The following BMPER variants were observed in gnomAD, a reference collection of about 807,000 sequenced individuals.
BMPER encodes the protein BMP binding endothelial regulator.
BMPER carries 45 observed loss-of-function variants against 87.3 expected under a neutral mutation model. That is an observed-to-expected ratio of 0.52 (90% CI 0.41 to 0.66). BMPER has a LOEUF of 0.66. BMPER is among the 30% of genes least tolerant of loss of function. BMPER has a pLI of 0.00. For synonymous variants in BMPER, 326 were observed against 316.2 expected (o/e 1.03, Z -0.33); for missense variants, 784 against 867.5 (o/e 0.90, Z 1.21).
At chr7:33,909,411 G>GT (rs1554296262) in intron 2 of BMPER, among the ~76,000 whole-genome samples, 2 of 152,064 alleles carry the variant, frequency 1.3e-5, no homozygotes, top group African/African-American at 4.8e-5. Context: ...GGGTTATTTT[G>GT]TTTTTTCTTT....
intron 6 of BMPER, among the ~76,000 whole-genome samples, chr7:34,019,454 T>C (rs1787122270): frequency 6.6e-6 from 1 of 152,048 alleles, no homozygotes. Context: ...TTCCCTCCTC[T>C]GATCCGCATC....
At chr7:34,137,135 A>G (rs533863036) in intron 13 of BMPER, among the ~76,000 whole-genome samples, 1 of 152,346 alleles carries the variant, frequency 6.6e-6, no homozygotes, top group Non-Finnish European at 1.5e-5. Flanking sequence ...TGCTTTATTG[A>G]AAATGTGTGG....
At chr7:33,958,610 G>A (rs1222130867) in intron 3 of BMPER, among the ~76,000 whole-genome samples, 1 of 152,178 alleles carries the variant, frequency 6.6e-6, no homozygotes, top group African/African-American at 2.4e-5. Context: ...CACTTTCTGA[G>A]CTCCTTCTTT....
chr7:34,074,403 C>T (rs183090587), intron 11 of BMPER, among the ~76,000 whole-genome samples: 29 of 152,322 alleles, frequency 1.9e-4, no homozygotes, highest in East Asian at 1.2e-3. Context: ...TGGAGAAGTT[C>T]GGGTCGTTCT....
chr7:34,138,155 T>C (rs983694729), intron 13 of BMPER, among the ~76,000 whole-genome samples: 6 of 152,200 alleles, frequency 3.9e-5, no homozygotes, highest in African/African-American at 1.4e-4. Flanking sequence ...TAAATTCCAA[T>C]TTAAATAACC....
At chr7:34,081,455 C>T (rs58487102) in intron 12 of BMPER, among the ~76,000 whole-genome samples, 7,206 of 152,252 alleles carry the variant, frequency 0.047, 587 homozygotes, top group African/African-American at 0.17. Context: ...TCCGCACTTA[C>T]GATGGGATTA....
intron 6 of BMPER, among the ~76,000 whole-genome samples, chr7:34,015,532 C>T (rs182879476): frequency 5.3e-5 from 8 of 152,016 alleles, no homozygotes; most frequent in East Asian, 3.9e-4. Context: ...AGCAACCCCA[C>T]GGTTGCTGCC....
chr7:33,978,178 C>T (rs1454184199), intron 6 of BMPER, among the ~76,000 whole-genome samples: 1 of 152,194 alleles, frequency 6.6e-6, no homozygotes, highest in Non-Finnish European at 1.5e-5. Context: ...CTCTCTTGCC[C>T]TTCCATCACT....
chr7:33,927,870 A>G (rs778054681), intron 2 of BMPER, among the ~76,000 whole-genome samples: 4 of 152,206 alleles, frequency 2.6e-5, no homozygotes, highest in Non-Finnish European at 5.9e-5. Context: ...AGGTATAAAA[A>G]TATTCATAGA....
chr7:34,088,856 C>T (rs77772809), intron 13 of BMPER, among the ~76,000 whole-genome samples: 8,144 of 152,196 alleles, frequency 0.054, 719 homozygotes, highest in African/African-American at 0.19. Context: ...ATTACATAAA[C>T]TCCCCCTGAT....
chr7:33,917,404 C>T (rs1009224201), intron 2 of BMPER, among the ~76,000 whole-genome samples: 2 of 151,916 alleles, frequency 1.3e-5, no homozygotes, highest in African/African-American at 4.8e-5. Context: ...AGCTTTCTTT[C>T]TTTCTTTTTT....
At chr7:34,042,124 A>G (rs998523570) in intron 6 of BMPER, among the ~76,000 whole-genome samples, 1 of 152,214 alleles carries the variant, frequency 6.6e-6, no homozygotes, top group African/African-American at 2.4e-5. Flanking sequence ...AAACTTTTAC[A>G]TAAAGCAATT....
chr7:34,046,637 AC>A (rs1241464791), intron 7 of BMPER, among the ~76,000 whole-genome samples: 2 of 152,198 alleles, frequency 1.3e-5, no homozygotes, highest in Non-Finnish European at 2.9e-5. Flanking sequence ...GTAACTGGGT[AC>A]ACCAGATGAC....
At chr7:34,066,622 G>T (rs369057339) in intron 11 of BMPER, among the ~76,000 whole-genome samples, 2 of 152,202 alleles carry the variant, frequency 1.3e-5, no homozygotes, top group African/African-American at 4.8e-5. Context: ...CCTGTTTTGT[G>T]TGTAGCATTT....
chr7:33,974,759 G>A lies in BMPER; in HGVS notation c.551G>A (p.Ser184Asn). Residue 184 changes from serine to asparagine, a missense_variant, in exon 6 of 15, where the codon AGC becomes AAC. Transcript: ENST00000649409. ...GGGGAGGAATTTCAGCCAGAAGGAAGCAAATGTACCAAGTGTTCCTGCACT... is the reference window on the plus strand; with the variant it reads ...GGGGAGGAATTTCAGCCAGAAGGAAACAAATGTACCAAGTGTTCCTGCACT... Reference protein sequence around the residue: ...QEGEEFQPEGSKCTKCSCTGG... With the variant: ...QEGEEFQPEGNKCTKCSCTGG... 6.2e-7 allele frequency: 1 copy of A among 1,614,098 alleles called. No individual in the cohort carries two copies. Among genetic ancestry groups the A allele is most frequent in the Non-Finnish European group, 8.5e-7 (1 of 1,179,990 alleles).
At chr7:33,909,602 A>G (rs988265208) in intron 2 of BMPER, among the ~76,000 whole-genome samples, 2 of 149,072 alleles carry the variant, frequency 1.3e-5, no homozygotes, top group Non-Finnish European at 3.0e-5. Context: ...AGTCATATTT[A>G]GTTTGTGTTG....
chr7:33,909,559 A>G (rs1335508605), intron 2 of BMPER, among the ~76,000 whole-genome samples: 1 of 152,072 alleles, frequency 6.6e-6, no homozygotes, highest in East Asian at 1.9e-4. Context: ...GAGGGTATGT[A>G]ATAGTCTCAA....
intron 6 of BMPER, among the ~76,000 whole-genome samples, chr7:33,984,506 G>A (rs552983647): frequency 6.6e-6 from 1 of 152,138 alleles, no homozygotes; most frequent in African/African-American, 2.4e-5. Context: ...TCTCTCCATT[G>A]CAGTGATCCA....
chr7:34,128,131 A>G (rs1790451354), intron 13 of BMPER, among the ~76,000 whole-genome samples: 1 of 152,184 alleles, frequency 6.6e-6, no homozygotes, highest in African/African-American at 2.4e-5. Context: ...CCCAAATGGA[A>G]TGTATGCCGA....
Sources: gnomAD v4.1 joint callset for allele counts (sites outside exome capture counted in the v4.1 genomes callset) on GRCh38, gnomAD v4.1.1 for gene constraint, MANE v1.5 for transcripts, NCBI Gene and HGNC (gene_info 2026-07-23, HGNC 2026-07-21) for gene names.